The following ZNF740 variants were observed in gnomAD, a reference collection of about 807,000 sequenced individuals.
The protein encoded by ZNF740 is zinc finger protein 740.
In ZNF740, 14 loss-of-function variants were observed where a neutral mutation model predicts 24.8. The observed-to-expected ratio is 0.56, with a 90% CI of 0.37 to 0.88. The LOEUF is 0.88. Among genes scored for constraint, ZNF740 ranks in the 40% least tolerant of loss-of-function variants. The pLI is 0.00. For synonymous variants in ZNF740, 69 were observed against 84.0 expected (o/e 0.82, Z 0.98); for missense variants, 201 against 247.9 (o/e 0.81, Z 1.27).
Position 53,184,982 on chromosome 12 carries a change from A to G in ZNF740, c.101A>G (p.Lys34Arg). 1 of 1,614,032 alleles carries G rather than the reference A, an allele frequency of 6.2e-7. No homozygotes were observed. Among genetic ancestry groups the G allele is most frequent in the Non-Finnish European group, 8.5e-7 (1 of 1,179,892 alleles). ...KKMMLSQIAS[K>R]QAENGERAGS... ...ATGATGCTGAGCCAGATTGCCAGCA[A>G]GCAGGCCGAGAATGGCGAGCGGGCA... Residue 34 changes from lysine (K) to arginine (R), a missense_variant, in exon 3 of 7, where the codon AAG becomes AGG. Lys to Arg is a conservative substitution (Grantham distance 26). Around this residue, in one of 3 missense-constraint regions of ZNF740, gnomAD observed 117 missense variants for 122.3 expected, o/e 0.96. Transcript: ENST00000416904.
At chr12:53,184,162 C>CGCGT in intron 2 of ZNF740, among the ~76,000 whole-genome samples, 1 of 125,856 alleles carries the variant, frequency 7.9e-6, no homozygotes, top group African/African-American at 3.4e-5. Flanking sequence ...CGCGCGCGCG[C>CGCGT]TCTGAAGCTA....
chr12:53,194,020 C>T lies in ZNF740; in HGVS notation c.*6430C>T. ...TGAAGGGATGGGGTCATGTTAACAC[C>T]CAACTCCTAGAAACATGCCTGAGGA... On this transcript the variant is annotated 3_prime_UTR_variant, in exon 7 of 7. Transcript: ENST00000416904. 2 of 1,303,332 alleles carry T rather than the reference C, an allele frequency of 1.5e-6. No individual in the cohort carries two copies. Among genetic ancestry groups the T allele is most frequent in the Non-Finnish European group, 1.1e-6 (1 of 935,606 alleles). The allele number at this position is 1,303,332 out of a possible 1,614,324, so 80.7% of individuals were successfully genotyped here. A position where few individuals can be genotyped will look rare whatever the true frequency, so the allele number is the denominator to read the frequency against.
At chr12:53,184,681 TA>T (rs1941789024) in intron 2 of ZNF740, among the ~76,000 whole-genome samples, 2 of 152,202 alleles carry the variant, frequency 1.3e-5, no homozygotes, top group South Asian at 4.1e-4. Context: ...GATCTATATT[TA>T]AATGCTGAAG....
chr12:53,183,402 G>C (rs1941739033), intron 2 of ZNF740, among the ~76,000 whole-genome samples: 1 of 152,214 alleles, frequency 6.6e-6, no homozygotes, highest in Admixed American at 6.5e-5. Flanking sequence ...AGTCCCAGAA[G>C]GTGGAGGGAG....
At position 53,192,322 on chromosome 12, in the gene ZNF740, C is replaced by A. The variant is rs765790908; in HGVS notation, c.*4732C>A. The A allele has an allele frequency of 8.1e-6, 13 of 1,613,690 alleles. No homozygotes were observed. In the African/African-American group the frequency reaches 1.7e-4, roughly 22 times the overall value. On this transcript the variant is annotated 3_prime_UTR_variant, in exon 7 of 7. Coordinates refer to ENST00000416904, the MANE Select transcript of ZNF740 (RefSeq NM_001004304.4). ...CTTCCAGGGTTTGTGGCATCCCTGC[C>A]CACTTACTTTCTTGGGGTCTCACTC...
chr12:53,193,141 T>G lies in ZNF740; in HGVS notation c.*5551T>G. The G allele has an allele frequency of 6.2e-7, 1 of 1,605,272 alleles. No homozygotes were observed. Among genetic ancestry groups the G allele is most frequent in the Non-Finnish European group, 8.5e-7 (1 of 1,173,228 alleles). On this transcript the variant is annotated 3_prime_UTR_variant, in exon 7 of 7. Transcript: ENST00000416904. ...CCTTCTCCCCAAGGCTCCAGGTACC[T>G]CCGCAGAGGATGCCCTCATGTCGCT... is the stretch of plus-strand genomic sequence containing the variant.
In ZNF740 at chr12:53,191,683, C is replaced by T. The variant is rs544958690; in HGVS notation, c.*4093C>T. 2.0e-5 allele frequency: 32 copies of T among 1,572,434 alleles called. No homozygotes were observed. Among genetic ancestry groups the T allele is most frequent in the African/African-American group, 4.0e-5 (3 of 74,128 alleles). The stretch of plus-strand genomic sequence containing the variant: ...TATAAGCAAAAATCCCAGGATTCCT[C>T]GTCCCCTTTCTAGACCTAAGAGGCC... On this transcript the variant is annotated 3_prime_UTR_variant, in exon 7 of 7. Transcript: ENST00000416904.
rs1941853624 is a variant in ZNF740, at chr12:53,187,854, TAGG to T, written c.*265_*267del. 2 of 470,360 alleles carry T rather than the reference TAGG, an allele frequency of 4.3e-6. No individual in the cohort carries two copies. Among genetic ancestry groups the T allele is most frequent in the Admixed American group, 7.0e-5 (2 of 28,564 alleles). The allele number at this position is 470,360 out of a possible 1,614,324, so 29.1% of individuals were successfully genotyped here. On this transcript the variant is annotated 3_prime_UTR_variant, in exon 7 of 7. Coordinates refer to ENST00000416904, the MANE Select transcript of ZNF740 (RefSeq NM_001004304.4). ...GTCCCTGGACCCTTGGCTGAGGTCA[TAGG>T]TGGGGACTCAAGGTACAGGACCAAG... is the stretch of plus-strand genomic sequence containing the variant.
At position 53,192,497 on chromosome 12, in the gene ZNF740, G is replaced by A; in HGVS notation, c.*4907G>A. The A allele has an allele frequency of 1.2e-6, 2 of 1,614,162 alleles. No individual in the cohort carries two copies. Among genetic ancestry groups the A allele is most frequent in the East Asian group, 2.2e-5 (1 of 44,880 alleles). ...GGCACAAGCTGTACTGCAGTTGGTG[G>A]CCAGTGGGCCAGTCCTGAAGGCCCC... On this transcript the variant is annotated 3_prime_UTR_variant, in exon 7 of 7. Transcript: ENST00000416904.
At chr12:53,183,213 T>TAGAGG (rs1435642599) in intron 2 of ZNF740, among the ~76,000 whole-genome samples, 1 of 152,274 alleles carries the variant, frequency 6.6e-6, no homozygotes, top group African/African-American at 2.4e-5. Flanking sequence ...AACTTTGTGC[T>TAGAGG]AGACACTGTT....
intron 6 of ZNF740, 33 bp downstream of exon 6, chr12:53,186,542 A>G: frequency 2.0e-6 from 3 of 1,510,144 alleles, no homozygotes; most frequent in Non-Finnish European, 2.7e-6. Context: ...TACCCCACAC[A>G]CACTTTTCCT....
At position 53,192,050 on chromosome 12, in the gene ZNF740, G is replaced by T; in HGVS notation, c.*4460G>T. On this transcript the variant is annotated 3_prime_UTR_variant, in exon 7 of 7. Transcript: ENST00000416904. The stretch of plus-strand genomic sequence containing the variant: ...AACAAGAAACCAGACACACTTGTGG[G>T]AGCTGGAGCATAGGGACAGATCATC... 6.2e-7 allele frequency: 1 copy of T among 1,604,410 alleles called. No homozygotes were observed.
intron 3 of ZNF740, 66 bp from the exon 4 acceptor site, chr12:53,185,321 G>T (rs1332484852): frequency 3.9e-6 from 6 of 1,524,138 alleles, no homozygotes; most frequent in Non-Finnish European, 5.4e-6. Context: ...TTGTCTGAGA[G>T]CTGCATTGGG....
chr12:53,192,630 G>A lies in ZNF740; in HGVS notation c.*5040G>A, dbSNP rs1941998062. ...AAGCAGGACGGAGAGTAGGCAGATG[G>A]GAGTAGCTCAACAAGCCCCACTGTG... On this transcript the variant is annotated 3_prime_UTR_variant, in exon 7 of 7. Coordinates refer to ENST00000416904, the MANE Select transcript of ZNF740 (RefSeq NM_001004304.4). The A allele has an allele frequency of 5.6e-6, 9 of 1,596,374 alleles. No homozygotes were observed. In the South Asian group the frequency reaches 7.7e-5, roughly 14 times the overall value.
Position 53,190,378 on chromosome 12 carries a change from G to C in ZNF740, c.*2788G>C, listed in dbSNP as rs1230018202. 1 of 152,766 alleles carries C rather than the reference G, an allele frequency of 6.5e-6. No homozygotes were observed. The highest frequency in any genetic ancestry group is 1.5e-5 in the Non-Finnish European group (1 of 68,154). The allele number at this position is 152,766 out of a possible 1,614,324, so 9.5% of individuals were successfully genotyped here. A position where few individuals can be genotyped will look rare whatever the true frequency, so the allele number is the denominator to read the frequency against. On this transcript the variant is annotated 3_prime_UTR_variant, in exon 7 of 7. Transcript: ENST00000416904. ...AACGGAAGTAGGGCACGCTCTCAGAGACCAGGATAGAGAGTCAGGGAACCT... is the reference window on the plus strand; with the variant it reads ...AACGGAAGTAGGGCACGCTCTCAGACACCAGGATAGAGAGTCAGGGAACCT...
At position 53,188,968 on chromosome 12, in the gene ZNF740, T is replaced by C. The variant is rs1205555677; in HGVS notation, c.*1378T>C. On this transcript the variant is annotated 3_prime_UTR_variant, in exon 7 of 7. Transcript: ENST00000416904. ...ATGCTTGCAGGAGATGGCATATTAT[T>C]GAGCCAAACCCTTCTCTGGCCCTCA... The C allele has an allele frequency of 2.6e-5, 4 of 152,152 alleles. No homozygotes were observed. Among genetic ancestry groups the C allele is most frequent in the African/African-American group, 9.7e-5 (4 of 41,424 alleles). The allele number at this position is 152,152 out of a possible 1,614,324, so 9.4% of individuals were successfully genotyped here. A position where few individuals can be genotyped will look rare whatever the true frequency, so the allele number is the denominator to read the frequency against.
rs937104628 is a variant in ZNF740 at position 53,193,937 on chromosome 12, C to G, written c.*6347C>G. 2.4e-5 allele frequency: 37 copies of G among 1,562,850 alleles called. No homozygotes were observed. Among genetic ancestry groups the G allele is most frequent in the Non-Finnish European group, 3.2e-5 (37 of 1,144,292 alleles). The stretch of plus-strand genomic sequence containing the variant: ...GCAGGAATCAGGCCATGGTTATACA[C>G]ATGCACACACACATACCCCAAACTC... On this transcript the variant is annotated 3_prime_UTR_variant, in exon 7 of 7. Coordinates refer to ENST00000416904, the MANE Select transcript of ZNF740 (RefSeq NM_001004304.4).
In ZNF740 at chr12:53,192,614, GGA is replaced by G; in HGVS notation, c.*5028_*5029del. The G allele has an allele frequency of 4.4e-6, 7 of 1,596,476 alleles. No homozygotes were observed. Among genetic ancestry groups the G allele is most frequent in the Non-Finnish European group, 6.0e-6 (7 of 1,166,556 alleles). On this transcript the variant is annotated 3_prime_UTR_variant, in exon 7 of 7. Coordinates refer to ENST00000416904, the MANE Select transcript of ZNF740 (RefSeq NM_001004304.4). ...CCCCTTGCCCAACTACAAGCAGGACGGAGAGTAGGCAGATGGGAGTAGCTCAA... is the reference window on the plus strand; with the variant it reads ...CCCCTTGCCCAACTACAAGCAGGACGGAGTAGGCAGATGGGAGTAGCTCAA...
Position 53,194,356 on chromosome 12 carries a change from G to C in ZNF740, c.*6766G>C, listed in dbSNP as rs1942082713. On this transcript the variant is annotated 3_prime_UTR_variant, in exon 7 of 7. Coordinates refer to ENST00000416904, the MANE Select transcript of ZNF740 (RefSeq NM_001004304.4). ...GTGGAAGACAGGCTCTATGGGAAGA[G>C]AGCGAGTGGATAACCACGTGAAGGC... 1 of 1,613,736 alleles carries C rather than the reference G, an allele frequency of 6.2e-7. No homozygotes were observed. Among genetic ancestry groups the C allele is most frequent in the Non-Finnish European group, 8.5e-7 (1 of 1,179,806 alleles).
Sources: gnomAD v4.1 joint callset for allele counts (sites outside exome capture counted in the v4.1 genomes callset) on GRCh38, gnomAD v4.1.1 for gene constraint, gnomAD v4.1.1 regional missense constraint, MANE v1.5 for transcripts, NCBI Gene and HGNC (gene_info 2026-07-23, HGNC 2026-07-21) for gene names.